PNPLA3: variants seen among roughly 807,000 people sequenced by gnomAD.
PNPLA3 encodes 1-acylglycerol-3-phosphate O-acyltransferase PNPLA3.
In PNPLA3, 42 loss-of-function variants were observed where a neutral mutation model predicts 43.1. That is an observed-to-expected ratio of 0.97 (90% confidence interval 0.76 to 1.26). PNPLA3 has a LOEUF of 1.26. PNPLA3 is among the 50% of genes most tolerant of loss of function. The pLI, the probability that PNPLA3 is intolerant of heterozygous loss-of-function variation, is 0.00. For missense variants in PNPLA3, 647 were observed against 621.4 expected, an observed-to-expected ratio of 1.04 and a Z score of -0.44; for synonymous variants, 272 against 253.6, an observed-to-expected ratio of 1.07 and a Z score of -0.69.
rs117414666 is a variant in PNPLA3 at position 43,930,324 on chromosome 22, C to T, written c.486+1435C>T. ...GGGCATGTCTTGGTTCACTGCAGGG[C>T]GGCTCTTCTCATTCTCTGTAGTTTG... is the stretch of plus-strand genomic sequence containing the variant. On this transcript the variant is annotated intron_variant, in intron 3 of 8. Transcript: ENST00000216180. Among the ~76,000 whole-genome samples the T allele has an allele frequency of 7.4e-4, 113 of 152,254 alleles. 3 individuals are homozygous for T. In the East Asian group the frequency reaches 0.02, roughly 26 times the overall value.
chr22:43,926,388 TCTC>T lies in PNPLA3; in HGVS notation c.188-544_188-542del, dbSNP rs149915924. Among the ~76,000 whole-genome samples the T allele has an allele frequency of 4.8e-3, 737 of 152,270 alleles. 7 individuals carry two copies. The highest frequency in any genetic ancestry group is 0.018 in the South Asian group (88 of 4,820). The stretch of plus-strand genomic sequence containing the variant: ...GGCCAGGCCAGTAAGTGAGGTCAGA[TCTC>T]CTGCACCTGATAGCATTAAGGCCAT... On this transcript the variant is annotated intron_variant, in intron 1 of 8. Transcript: ENST00000216180.
At position 43,930,383 on chromosome 22, in the gene PNPLA3, G is replaced by C. The variant is rs376264506; in HGVS notation, c.486+1494G>C. 1.2e-4 allele frequency among the ~76,000 whole-genome samples: 19 copies of C among 152,322 alleles called. No homozygotes were observed. The South Asian group carries it at 3.3e-3, about 27-fold the overall frequency. Reference sequence around the variant, plus strand: ...GATAGTGGTCCACGGAGCCACTGGAGTGCCCAGCTACTGAGTGACCAAAGC... The same window carrying C: ...GATAGTGGTCCACGGAGCCACTGGACTGCCCAGCTACTGAGTGACCAAAGC... On this transcript the variant is annotated intron_variant, in intron 3 of 8. Coordinates refer to ENST00000216180, the MANE Select transcript of PNPLA3 (RefSeq NM_025225.3).
At chr22:43,940,825 G>T (rs2050026166) in intron 7 of PNPLA3, among the ~76,000 whole-genome samples, 1 of 150,554 alleles carries the variant, frequency 6.6e-6, no homozygotes, top group Non-Finnish European at 1.5e-5. Flanking sequence ...AAAATGAAAG[G>T]TAATGAAATG....
At chr22:43,934,530 C>A in intron 4 of PNPLA3, 76 bp from the exon 5 acceptor site, 1 of 1,407,160 alleles carries the variant, frequency 7.1e-7, no homozygotes. Flanking sequence ...GTGCTCTCTG[C>A]GGTCTTCCAA....
chr22:43,936,910 G>A (rs959305678), intron 5 of PNPLA3, 141 bp from the exon 6 acceptor site: 47 of 683,152 alleles, frequency 6.9e-5, no homozygotes, highest in Admixed American at 6.3e-4. Context: ...ACCTGTGCTC[G>A]TTCTCTTCCC....
At chr22:43,941,097 C>T (rs555690315) in intron 7 of PNPLA3, among the ~76,000 whole-genome samples, 1 of 131,616 alleles carries the variant, frequency 7.6e-6, no homozygotes, top group Non-Finnish European at 1.5e-5. Flanking sequence ...TGCAGTGAGC[C>T]GAGATCATGC....
rs1444603453 is a variant in PNPLA3 at position 43,947,230 on chromosome 22, A to C, written c.*848A>C. On this transcript the variant is annotated 3_prime_UTR_variant, in exon 9 of 9. Coordinates refer to ENST00000216180, the MANE Select transcript of PNPLA3 (RefSeq NM_025225.3). ...AAAAATTATCTGGGCATGGTGGTGC[A>C]TGCCTGTAATCCCAGCTATTCGGAA... The C allele has an allele frequency of 6.3e-6, 1 of 159,418 alleles. No homozygotes were observed. Among genetic ancestry groups the C allele is most frequent in the East Asian group, 1.9e-4 (1 of 5,258 alleles). The allele number at this position is 159,418 out of a possible 1,614,324, so 9.9% of individuals were successfully genotyped here.
intron 7 of PNPLA3, among the ~76,000 whole-genome samples, chr22:43,941,730 G>T (rs9625964): frequency 6.6e-6 from 1 of 151,926 alleles, no homozygotes; most frequent in Non-Finnish European, 1.5e-5. Context: ...GGTTTCATCC[G>T]CAATATATGG....
At chr22:43,934,445 C>T (rs914370182) in intron 4 of PNPLA3, among the ~76,000 whole-genome samples, 161 bp from the exon 5 acceptor site, 6 of 152,082 alleles carry the variant, frequency 3.9e-5, no homozygotes, top group African/African-American at 1.4e-4. Flanking sequence ...CTCCTGGGAG[C>T]ACAGAGCCCT....
Position 43,946,824 on chromosome 22 carries a change from G to A in PNPLA3, c.*442G>A, listed in dbSNP as rs2050066945. On this transcript the variant is annotated 3_prime_UTR_variant, in exon 9 of 9. Transcript: ENST00000216180. ...ACTTCCCCATGCTGTGGGAAGGGGTGCAGTTCGTCCCCAAGAACGACACTG... is the reference window on the plus strand; with the variant it reads ...ACTTCCCCATGCTGTGGGAAGGGGTACAGTTCGTCCCCAAGAACGACACTG... The A allele has an allele frequency of 4.1e-6, 2 of 482,650 alleles. No individual in the cohort carries two copies. Among genetic ancestry groups the A allele is most frequent in the Admixed American group, 4.3e-5 (2 of 46,028 alleles). 29.9% of individuals were successfully genotyped at this position (482,650 alleles called of 1,614,324 possible).
Sources: allele counts gnomAD v4.1 joint callset (sites outside exome capture counted in the v4.1 genomes callset), GRCh38; gene constraint gnomAD v4.1.1; transcripts MANE v1.5; gene names NCBI Gene and HGNC (gene_info 2026-07-23, HGNC 2026-07-21).